The following GMPS variants were observed in gnomAD, a reference collection of about 807,000 sequenced individuals.
The protein encoded by GMPS is guanosine monophosphate synthase.
A neutral mutation model predicts 77.9 loss-of-function variants in GMPS; 15 were observed. That is an observed-to-expected ratio of 0.19 (90% CI 0.13 to 0.30). The LOEUF (loss-of-function observed/expected upper bound fraction) is 0.30. GMPS is among the 10% of genes least tolerant of loss of function. The pLI is 1.00. For missense variants in GMPS, 590 were observed against 838.8 expected (o/e 0.70, Z 3.66); for synonymous variants, 224 against 275.9 (o/e 0.81, Z 1.86).
intron 1 of GMPS, among the ~76,000 whole-genome samples, chr3:155,876,699 T>C (rs1307496230): frequency 2.0e-5 from 3 of 152,230 alleles, no homozygotes; most frequent in Admixed American, 6.5e-5. Flanking sequence ...TGAGTTTGGC[T>C]CTGATTTCTC....
chr3:155,937,827 T>A lies in GMPS; in HGVS notation c.*135T>A. The A allele has an allele frequency of 3.4e-6, 2 of 593,884 alleles. No individual in the cohort carries two copies. Among genetic ancestry groups the A allele is most frequent in the Admixed American group, 3.2e-5 (1 of 30,846 alleles). The allele number at this position is 593,884 out of a possible 1,614,324, so 36.8% of individuals were successfully genotyped here. On this transcript the variant is annotated 3_prime_UTR_variant, in exon 16 of 16. Transcript: ENST00000496455. ...ATCTGAGTTCTCCACAGCAAAAATC[T>A]ACGGCTTAAGAGCTGAGTTGGGGAT...
Position 155,870,776 on chromosome 3 carries a change from T to C in GMPS, c.-95T>C. ...CCGGCTGCTCCTCGACCAGGCCTCCTTCTCAACCTCAGCCCGCGGCGCCGA... is the reference window on the plus strand; with the variant it reads ...CCGGCTGCTCCTCGACCAGGCCTCCCTCTCAACCTCAGCCCGCGGCGCCGA... On this transcript the variant is annotated 5_prime_UTR_variant, in exon 1 of 16. Coordinates refer to ENST00000496455, the MANE Select transcript of GMPS (RefSeq NM_003875.3). 1.2e-6 allele frequency: 1 copy of C among 836,240 alleles called. No individual in the cohort carries two copies. Among genetic ancestry groups the C allele is most frequent in the South Asian group, 1.5e-5 (1 of 66,542 alleles). 51.8% of individuals were successfully genotyped at this position (836,240 alleles called of 1,614,324 possible).
chr3:155,893,463 T>A, intron 1 of GMPS, 55 bp from the exon 2 acceptor site: 1 of 1,186,890 alleles, frequency 8.4e-7, no homozygotes, highest in Non-Finnish European at 1.2e-6. Context: ...TTTTTTTAAG[T>A]ACTGTAGCTT....
chr3:155,885,401 C>T (rs1171080272), intron 1 of GMPS, among the ~76,000 whole-genome samples: 4 of 152,092 alleles, frequency 2.6e-5, no homozygotes. Context: ...TAATATAAGA[C>T]TAATGGAACA....
At chr3:155,896,808 T>C (rs973919322) in intron 2 of GMPS, among the ~76,000 whole-genome samples, 7 of 150,654 alleles carry the variant, frequency 4.6e-5, no homozygotes, top group African/African-American at 1.7e-4. Flanking sequence ...TCTAGCAATA[T>C]ACTTTGTATA....
In GMPS at chr3:155,887,725, G is replaced by A. The variant is rs1461696838; in HGVS notation, c.28-5793G>A. 7.9e-5 allele frequency among the ~76,000 whole-genome samples: 12 copies of A among 152,276 alleles called. No individual in the cohort carries two copies. In the South Asian group the frequency reaches 2.1e-3, roughly 26 times the overall value. On this transcript the variant is annotated intron_variant, in intron 1 of 15. Transcript: ENST00000496455. ...TGATATTGTAGTTACATAGGAGATT[G>A]TCCCTGTTTGTAGGAGATGCATGCT...
intron 3 of GMPS, among the ~76,000 whole-genome samples, chr3:155,900,669 T>C (rs911453158): frequency 6.6e-6 from 1 of 152,192 alleles, no homozygotes; most frequent in African/African-American, 2.4e-5. Context: ...TGTCATTCAC[T>C]AGGATGTTTT....
Position 155,914,241 on chromosome 3 carries a change from C to T in GMPS, c.887-178C>T, listed in dbSNP as rs371520855. 1.2e-4 allele frequency among the ~76,000 whole-genome samples: 19 copies of T among 152,178 alleles called. No homozygotes were observed. In the South Asian group the frequency reaches 1.5e-3, roughly 12 times the overall value. ...GATTATAGGCATGAGCCACCGGGCC[C>T]GGCCAATAATTCTTGAATATTGATA... On this transcript the variant is annotated intron_variant, in intron 7 of 15. Coordinates refer to ENST00000496455, the MANE Select transcript of GMPS (RefSeq NM_003875.3).
intron 1 of GMPS, among the ~76,000 whole-genome samples, chr3:155,883,640 T>C (rs1754261388): frequency 6.6e-6 from 1 of 152,214 alleles, no homozygotes; most frequent in Non-Finnish European, 1.5e-5. Context: ...TTCGCTTCTT[T>C]GCAAGATGCC....
intron 12 of GMPS, 82 bp from the exon 13 acceptor site, chr3:155,931,683 T>TTTAAAAA: frequency 2.5e-6 from 1 of 398,126 alleles, no homozygotes; most frequent in Admixed American, 3.9e-5. Flanking sequence ...CTTTTTTTTT[T>TTTAAAAA]AAAAAAAAAA....
At chr3:155,879,522 C>T (rs1754157267) in intron 1 of GMPS, among the ~76,000 whole-genome samples, 1 of 152,048 alleles carries the variant, frequency 6.6e-6, no homozygotes, top group African/African-American at 2.4e-5. Flanking sequence ...CTGCCTTGGC[C>T]TCTCAAAGTG....
intron 4 of GMPS, 104 bp from the exon 5 acceptor site, chr3:155,906,053 TCTG>T: frequency 5.3e-6 from 3 of 569,772 alleles, no homozygotes; most frequent in South Asian, 3.7e-5. Context: ...TTTTTTTTTT[TCTG>T]TTTTTCTAAT....
At chr3:155,911,829 A>C (rs1755044257) in intron 7 of GMPS, among the ~76,000 whole-genome samples, 2 of 150,562 alleles carry the variant, frequency 1.3e-5, no homozygotes, top group South Asian at 4.3e-4. Flanking sequence ...ACAAGAGCGA[A>C]ACTCCATCTC....
At chr3:155,922,354 T>C (rs1755339249) in intron 11 of GMPS, 52 bp downstream of exon 11, 1 of 683,644 alleles carries the variant, frequency 1.5e-6, no homozygotes, top group Non-Finnish European at 2.4e-6. Context: ...ATTCTTATTA[T>C]ATACCAGCAT....
At chr3:155,887,185 T>G (rs922272142) in intron 1 of GMPS, among the ~76,000 whole-genome samples, 12 of 152,198 alleles carry the variant, frequency 7.9e-5, no homozygotes, top group African/African-American at 2.7e-4. Flanking sequence ...TAGGCCAGGT[T>G]CTTATAGGTC....
chr3:155,915,271 C>G (rs1031327040), intron 8 of GMPS, among the ~76,000 whole-genome samples: 1 of 105,310 alleles, frequency 9.5e-6, no homozygotes, highest in African/African-American at 3.5e-5. Context: ...GAGTTTTGTT[C>G]TTGTCACTCA....
At chr3:155,919,107 A>G (rs969835071) in intron 9 of GMPS, 126 bp from the exon 10 acceptor site, 4 of 560,134 alleles carry the variant, frequency 7.1e-6, no homozygotes, top group Non-Finnish European at 9.7e-6. Flanking sequence ...TAAAAGATGC[A>G]TTTTTAGTAA....
intron 1 of GMPS, among the ~76,000 whole-genome samples, chr3:155,891,414 G>A (rs1754459114): frequency 6.6e-6 from 1 of 152,084 alleles, no homozygotes; most frequent in Non-Finnish European, 1.5e-5. Flanking sequence ...GTGTGTATGT[G>A]TATACATTAA....
In GMPS at chr3:155,920,581, A is replaced by AG. The variant is rs1247460198; in HGVS notation, c.1318+1243_1318+1244insG. Among the ~76,000 whole-genome samples the AG allele has an allele frequency of 2.0e-5, 3 of 149,376 alleles. 1 individual carries two copies. The South Asian group carries it at 6.3e-4, about 31-fold the overall frequency. The stretch of plus-strand genomic sequence containing the variant: ...CAGAGCATGACTCCATCTTAAAAAA[A>AG]AAAAAAAAGAAAAAAAAAAAAGAAA... On this transcript the variant is annotated intron_variant, in intron 10 of 15. Coordinates refer to ENST00000496455, the MANE Select transcript of GMPS (RefSeq NM_003875.3).
Sources: gnomAD v4.1 joint callset for allele counts (sites outside exome capture counted in the v4.1 genomes callset) on GRCh38, gnomAD v4.1.1 for gene constraint, MANE v1.5 for transcripts, NCBI Gene and HGNC (gene_info 2026-07-23, HGNC 2026-07-21) for gene names.